Variants in UXS1 observed in about 807,000 individuals in gnomAD.
UXS1 encodes the protein UDP-glucuronate decarboxylase 1.
In UXS1, 33 loss-of-function variants were observed where a neutral mutation model predicts 62.6. The ratio of observed to expected loss-of-function variants is 0.53; its 90% CI spans 0.40 to 0.70. The LOEUF (loss-of-function observed/expected upper bound fraction) is 0.70. UXS1 is among the 30% of genes least tolerant of loss of function. The pLI is 0.00. For missense variants in UXS1, 434 were observed against 556.3 expected (o/e 0.78, Z 2.21); for synonymous variants, 213 against 206.8 (o/e 1.03, Z -0.26).
At chr2:106,162,743 T>C (rs996230698) in intron 4 of UXS1, among the ~76,000 whole-genome samples, 1 of 152,246 alleles carries the variant, frequency 6.6e-6, no homozygotes, top group African/African-American at 2.4e-5. Flanking sequence ...TGATAAGTGC[T>C]GAAATTAACA....
At chr2:106,104,224 C>T (rs755303201) in intron 11 of UXS1, among the ~76,000 whole-genome samples, 2 of 152,208 alleles carry the variant, frequency 1.3e-5, no homozygotes, top group Non-Finnish European at 2.9e-5. Context: ...AGAATCCACA[C>T]TGCCTTCTAA....
At chr2:106,171,101 T>C (rs1385109517) in intron 1 of UXS1, among the ~76,000 whole-genome samples, 1 of 152,218 alleles carries the variant, frequency 6.6e-6, no homozygotes, top group Non-Finnish European at 1.5e-5. Flanking sequence ...AAATACTTTG[T>C]ATGTAAACTG....
At chr2:106,142,196 G>A (rs1681166279) in intron 6 of UXS1, among the ~76,000 whole-genome samples, 2 of 152,056 alleles carry the variant, frequency 1.3e-5, no homozygotes, top group Admixed American at 1.3e-4. Context: ...TTTATAGAAA[G>A]ATTAAAAATA....
intron 9 of UXS1, among the ~76,000 whole-genome samples, chr2:106,117,750 G>T (rs1249637038): frequency 6.6e-6 from 1 of 152,204 alleles, no homozygotes; most frequent in Non-Finnish European, 1.5e-5. Context: ...AAGCAACGGA[G>T]TCAGGCTGTG....
intron 4 of UXS1, chr2:106,160,303 G>A (rs1478784095): frequency 2.0e-5 from 3 of 152,226 alleles, no homozygotes; most frequent in Non-Finnish European, 4.4e-5. Flanking sequence ...CAGTCCCCAA[G>A]TGGCACACCC....
At chr2:106,166,020 T>G in intron 2 of UXS1, 36 bp downstream of exon 2, 1 of 1,600,436 alleles carries the variant, frequency 6.2e-7, no homozygotes, top group Non-Finnish European at 8.5e-7. Context: ...GTCTATAAAA[T>G]CCAACCACAG....
chr2:106,159,721 C>T (rs1682737689), intron 4 of UXS1, among the ~76,000 whole-genome samples: 1 of 152,218 alleles, frequency 6.6e-6, no homozygotes, highest in South Asian at 2.1e-4. Context: ...AGCACAGACA[C>T]AGCACTAGGA....
chr2:106,096,183 GGT>G (rs61524060), intron 14 of UXS1, among the ~76,000 whole-genome samples: 33,371 of 151,558 alleles, frequency 0.22, 4,141 homozygotes, highest in East Asian at 0.4. Context: ...CACAGTCAGG[GGT>G]GTGTGTGTGT....
At chr2:106,108,413 G>A (rs1407188262) in intron 10 of UXS1, among the ~76,000 whole-genome samples, 3 of 152,192 alleles carry the variant, frequency 2.0e-5, no homozygotes, top group Non-Finnish European at 4.4e-5. Context: ...ATGGTCTGAG[G>A]CCTTCCATCT....
At position 106,122,978 on chromosome 2, in the gene UXS1, T is replaced by G. The variant is rs142328346; in HGVS notation, c.751A>C (p.Met251Leu). The G allele has an allele frequency of 6.2e-7, 1 of 1,613,830 alleles. No individual in the cohort carries two copies. The highest frequency in any genetic ancestry group is 1.7e-5 in the Admixed American group (1 of 60,022). Reference sequence around the variant, plus strand: ...AGACCCTGGTGAAATACCTGCTTCATGTAGGCATAGCACATGGTCTCTGCA... The same window carrying G: ...AGACCCTGGTGAAATACCTGCTTCAGGTAGGCATAGCACATGGTCTCTGCA... ...RVAETMCYAY[M>L]KQEGVEVRVA... The change falls in exon 9 of 15, where the codon ATG becomes CTG. Residue 251 changes from methionine (M) to leucine (L), a missense_variant. Met to Leu is a conservative substitution (Grantham distance 15, BLOSUM62 2). Coordinates refer to ENST00000283148, the MANE Select transcript of UXS1 (RefSeq NM_001253875.2).
intron 7 of UXS1, among the ~76,000 whole-genome samples, chr2:106,128,079 G>C (rs1680113309): frequency 2.0e-5 from 3 of 152,078 alleles, no homozygotes; most frequent in African/African-American, 7.3e-5. Context: ...CCCCCGAGTA[G>C]GAAGAATAAA....
At chr2:106,185,847 G>A (rs946842998) in intron 1 of UXS1, among the ~76,000 whole-genome samples, 7 of 152,196 alleles carry the variant, frequency 4.6e-5, no homozygotes, top group African/African-American at 1.4e-4. Flanking sequence ...GAGCAGTGCA[G>A]GCAAAAGACA....
At position 106,104,782 on chromosome 2, in the gene UXS1, GGA is replaced by G. The variant is rs753159998; in HGVS notation, c.923+10_923+11del. 1.2e-6 allele frequency: 2 copies of G among 1,613,848 alleles called. No individual in the cohort carries two copies. The highest frequency in any genetic ancestry group is 8.5e-7 in the Non-Finnish European group (1 of 1,179,896). On this transcript the variant is annotated intron_variant, in intron 11 of 14. Transcript: ENST00000283148. ...GCACTGCTAAGGCTGGGGCAGGGCA[GGA>G]CAGTCTTACCTGACGTACTGGAACG...
intron 4 of UXS1, chr2:106,160,493 T>C (rs1682814620): frequency 2.0e-5 from 3 of 152,228 alleles, no homozygotes; most frequent in Admixed American, 1.3e-4. Flanking sequence ...CGCTCGGGAA[T>C]GGGAATATAG....
At chr2:106,180,233 C>T (rs541385724) in intron 1 of UXS1, among the ~76,000 whole-genome samples, 1 of 152,198 alleles carries the variant, frequency 6.6e-6, no homozygotes, top group African/African-American at 2.4e-5. Flanking sequence ...GCAAAGGAAA[C>T]AACCAGTAAC....
chr2:106,117,028 T>C (rs1573438155), intron 9 of UXS1, among the ~76,000 whole-genome samples: 1 of 152,312 alleles, frequency 6.6e-6, no homozygotes, highest in East Asian at 1.9e-4. Context: ...TGGCTGGGGC[T>C]ACTGTCTGCA....
chr2:106,163,838 G>T, intron 3 of UXS1, 128 bp from the exon 4 acceptor site: 1 of 500,918 alleles, frequency 2.0e-6, no homozygotes. Flanking sequence ...CTTCCAGTTT[G>T]AAATTAAGAT....
At chr2:106,192,989 T>C (rs916216216) in intron 1 of UXS1, among the ~76,000 whole-genome samples, 6 of 152,228 alleles carry the variant, frequency 3.9e-5, no homozygotes, top group African/African-American at 1.4e-4. Context: ...ACACACACAC[T>C]TTAGACTAGT....
At position 106,187,199 on chromosome 2, in the gene UXS1, G is replaced by A. The variant is rs111337874; in HGVS notation, c.94+6949C>T. ...GATAGAAAATCTGAAAGGAAATTTTGAAAATGTTGAAAATTCACAATTTCC... is the reference window on the plus strand; with the variant it reads ...GATAGAAAATCTGAAAGGAAATTTTAAAAATGTTGAAAATTCACAATTTCC... On this transcript the variant is annotated intron_variant, in intron 1 of 14. Coordinates refer to ENST00000283148, the MANE Select transcript of UXS1 (RefSeq NM_001253875.2). 8.3e-3 allele frequency among the ~76,000 whole-genome samples: 1,263 copies of A among 152,232 alleles called. 18 individuals are homozygous for A. Among genetic ancestry groups the A allele is most frequent in the African/African-American group, 0.029 (1,212 of 41,524 alleles).
Sources: allele counts gnomAD v4.1 joint callset (sites outside exome capture counted in the v4.1 genomes callset), GRCh38; gene constraint gnomAD v4.1.1; transcripts MANE v1.5; gene names NCBI Gene and HGNC (gene_info 2026-07-23, HGNC 2026-07-21).